Variants in MALRD1 observed in about 807,000 individuals in gnomAD.
MALRD1 encodes MAM and LDL receptor class A domain containing 1.
In MALRD1, 247 loss-of-function variants were observed where a neutral mutation model predicts 242.1. The ratio of observed to expected loss-of-function variants is 1.02; its 90% confidence interval spans 0.92 to 1.13. The LOEUF (loss-of-function observed/expected upper bound fraction) is 1.13. MALRD1 is among the 50% of genes most tolerant of loss of function. The pLI, the probability that MALRD1 is intolerant of heterozygous loss-of-function variation, is 0.00. For missense variants in MALRD1, 2,989 were observed against 2,533.1 expected, an observed-to-expected ratio of 1.18 and a Z score of -3.86; for synonymous variants, 995 against 866.6, an observed-to-expected ratio of 1.15 and a Z score of -2.60.
At position 19,200,689 on chromosome 10, in the gene MALRD1, G is replaced by A. The variant is rs903741646; in HGVS notation, c.1952-3039G>A. On this transcript the variant is annotated intron_variant, in intron 14 of 39. Coordinates refer to ENST00000454679, the MANE Select transcript of MALRD1 (RefSeq NM_001142308.3). Reference sequence around the variant, plus strand: ...TTTTTTTTGGCTTCTACATAAATTCGTCTTCTTTTATCTCAATGAAGAGCT... The same window carrying A: ...TTTTTTTTGGCTTCTACATAAATTCATCTTCTTTTATCTCAATGAAGAGCT... Among the ~76,000 whole-genome samples, 15 of 68,350 alleles carry A rather than the reference G, an allele frequency of 2.2e-4. 1 individual carries two copies. Among genetic ancestry groups the A allele is most frequent in the African/African-American group, 7.6e-4 (13 of 17,054 alleles). 44.8% of individuals were successfully genotyped at this position (68,350 alleles called of 152,430 possible). A position where few individuals can be genotyped will look rare whatever the true frequency, so the allele number is the denominator to read the frequency against.
chr10:19,459,407 T>C (rs1458764481), intron 29 of MALRD1, among the ~76,000 whole-genome samples: 1 of 152,134 alleles, frequency 6.6e-6, no homozygotes, highest in Non-Finnish European at 1.5e-5. Context: ...TTTTATTGCT[T>C]GAATTGATTT....
At chr10:19,621,427 C>G (rs1054457664) in intron 36 of MALRD1, among the ~76,000 whole-genome samples, 1 of 146,060 alleles carries the variant, frequency 6.8e-6, no homozygotes, top group African/African-American at 2.5e-5. Flanking sequence ...ATTGGTTGAA[C>G]CCAGGAAAAA....
At position 19,209,534 on chromosome 10, in the gene MALRD1, A is replaced by G; in HGVS notation, c.2845A>G (p.Met949Val). ...KGCTFRFYYH[M>V]FGKRIYRLAI... ...CTGCACCTTCCGCTTCTATTACCAC[A>G]TGTTTGGAAAGCGCATTTATAGGTT... The change falls in exon 18 of 40, where the codon ATG (methionine) becomes GTG (valine). Residue 949 changes from methionine (M) to valine (V), a missense_variant. Physicochemically the swap from Met to Val is conservative, Grantham distance 21 (BLOSUM62 1). Transcript: ENST00000454679. The G allele has an allele frequency of 6.4e-7, 1 of 1,550,550 alleles. No individual in the cohort carries two copies. Among genetic ancestry groups the G allele is most frequent in the Middle Eastern group, 1.7e-4 (1 of 5,994 alleles).
chr10:19,340,969 C>T (rs1416412368), intron 24 of MALRD1, among the ~76,000 whole-genome samples: 1 of 152,066 alleles, frequency 6.6e-6, no homozygotes, highest in African/African-American at 2.4e-5. Flanking sequence ...AAAAGCATTG[C>T]TCTCAATAAT....
chr10:19,146,207 TC>T lies in MALRD1; in HGVS notation c.1422del (p.Thr475ProfsTer23). On this transcript the variant is annotated frameshift_variant, in exon 11 of 40. Coordinates refer to ENST00000454679, the MANE Select transcript of MALRD1 (RefSeq NM_001142308.3). LOFTEE classifies it high-confidence loss of function. ...CTTCTACGTGTAACAGCAAAGCATC[TC>T]ACCTGTGACTTTGAGTCGGGTTTCT... The part of the protein sequence containing the change: ...DEDPATCSKH[L>X]TCDFESGFCG... The T allele has an allele frequency of 8.1e-7, 1 of 1,231,710 alleles. No homozygotes were observed. 76.3% of individuals were successfully genotyped at this position (1,231,710 alleles called of 1,614,324 possible).
At chr10:19,656,764 T>A (rs1226686663) in intron 36 of MALRD1, among the ~76,000 whole-genome samples, 3 of 152,224 alleles carry the variant, frequency 2.0e-5, no homozygotes, top group African/African-American at 7.2e-5. Context: ...TTCATTAGGG[T>A]GTCTATCAGC....
chr10:19,344,646 A>C (rs1037697013), intron 24 of MALRD1, among the ~76,000 whole-genome samples: 1 of 151,022 alleles, frequency 6.6e-6, no homozygotes, highest in Admixed American at 6.6e-5. Context: ...TTGACGTTCT[A>C]TATATATTTT....
chr10:19,388,817 C>G (rs1013029310), intron 27 of MALRD1, among the ~76,000 whole-genome samples: 8 of 143,758 alleles, frequency 5.6e-5, no homozygotes, highest in Non-Finnish European at 1.1e-4. Flanking sequence ...AGAAGTGACC[C>G]TGAATCCCTG....
intron 18 of MALRD1, among the ~76,000 whole-genome samples, chr10:19,224,646 A>C (rs1390778495): frequency 1.3e-5 from 2 of 152,104 alleles, no homozygotes; most frequent in Non-Finnish European, 2.9e-5. Context: ...TCTTTTGAGA[A>C]GTGTCTGTTC....
At chr10:19,534,841 A>G (rs904358007) in intron 32 of MALRD1, among the ~76,000 whole-genome samples, 2 of 151,144 alleles carry the variant, frequency 1.3e-5, no homozygotes, top group African/African-American at 4.9e-5. Flanking sequence ...ATAAAGATAG[A>G]TATATATATG....
intron 36 of MALRD1, among the ~76,000 whole-genome samples, chr10:19,669,791 T>G (rs1445384627): frequency 6.6e-6 from 1 of 152,274 alleles, no homozygotes; most frequent in East Asian, 1.9e-4. Context: ...GAATATGAAT[T>G]TAATAATATC....
In MALRD1 at chr10:19,607,779, A is replaced by T; in HGVS notation, c.5947A>T (p.Asn1983Tyr). 1.9e-6 allele frequency: 3 copies of T among 1,545,958 alleles called. No homozygotes were observed. The highest frequency in any genetic ancestry group is 2.6e-6 in the Non-Finnish European group (3 of 1,145,340). The change falls in exon 35 of 40, where the codon AAC becomes TAC. Residue 1983 changes from asparagine to tyrosine, a missense_variant and splice_region_variant. Transcript: ENST00000454679. ...TCATTATTCTTTTTTTTTTGCAGCC[A>T]ACAAAAGCTGTTCTAATGGAGCTCT... ...HFNEDELICS[N>Y]KSCSNGALVC...
intron 26 of MALRD1, among the ~76,000 whole-genome samples, chr10:19,362,887 A>C (rs1844949988): frequency 6.6e-6 from 1 of 152,050 alleles, no homozygotes; most frequent in Non-Finnish European, 1.5e-5. Flanking sequence ...AGATAGCAAG[A>C]GGTGGTTAAG....
At chr10:19,431,465 A>T (rs542380402) in intron 28 of MALRD1, among the ~76,000 whole-genome samples, 1 of 152,156 alleles carries the variant, frequency 6.6e-6, no homozygotes, top group Non-Finnish European at 1.5e-5. Context: ...CGATTCCCTT[A>T]TATGTATACA....
At chr10:19,238,759 G>T (rs1349388441) in intron 18 of MALRD1, among the ~76,000 whole-genome samples, 2 of 148,492 alleles carry the variant, frequency 1.3e-5, no homozygotes, top group Non-Finnish European at 3.0e-5. Context: ...TCGAATGATT[G>T]TTTTTTTTGT....
intron 21 of MALRD1, among the ~76,000 whole-genome samples, chr10:19,322,235 T>A (rs748913166): frequency 6.6e-6 from 1 of 152,144 alleles, no homozygotes; most frequent in Non-Finnish European, 1.5e-5. Flanking sequence ...AGTATATACA[T>A]CTTTGTTCTG....
intron 28 of MALRD1, among the ~76,000 whole-genome samples, chr10:19,405,049 T>A (rs1268393734): frequency 6.6e-6 from 1 of 152,170 alleles, no homozygotes; most frequent in Non-Finnish European, 1.5e-5. Context: ...CAAAAAAACC[T>A]GTGAAAGGCA....
At chr10:19,123,393 A>C (rs955541301) in intron 5 of MALRD1, 99 bp from the exon 6 acceptor site, 1 of 561,656 alleles carries the variant, frequency 1.8e-6, no homozygotes, top group Admixed American at 4.4e-5. Flanking sequence ...AATTGGTTAC[A>C]GAGTGCTTTG....
intron 26 of MALRD1, among the ~76,000 whole-genome samples, chr10:19,366,261 G>C (rs1845103492): frequency 6.6e-6 from 1 of 151,472 alleles, no homozygotes; most frequent in Non-Finnish European, 1.5e-5. Flanking sequence ...GGCAGTGACA[G>C]ATCATCAGGC....
Sources: gnomAD v4.1 joint callset for allele counts (sites outside exome capture counted in the v4.1 genomes callset) on GRCh38, gnomAD v4.1.1 for gene constraint, MANE v1.5 for transcripts, NCBI Gene and HGNC (gene_info 2026-07-23, HGNC 2026-07-21) for gene names.